The following STXBP5L variants were observed in gnomAD, a reference collection of about 807,000 sequenced individuals.
STXBP5L encodes syntaxin binding protein 5L.
In STXBP5L, 65 loss-of-function variants were observed where a neutral mutation model predicts 144.5. The ratio of observed to expected loss-of-function variants is 0.45; its 90% CI spans 0.37 to 0.55. STXBP5L has a LOEUF of 0.55. Among genes scored for constraint, STXBP5L ranks in the 20% least tolerant of loss-of-function variants. The pLI is 0.00. For synonymous variants in STXBP5L, 505 were observed against 469.6 expected (o/e 1.08, Z -0.97); for missense variants, 1,298 against 1,405.5 (o/e 0.92, Z 1.22).
chr3:121,237,350 A>C (rs2049514826), intron 12 of STXBP5L, among the ~76,000 whole-genome samples: 1 of 152,148 alleles, frequency 6.6e-6, no homozygotes, highest in South Asian at 2.1e-4. Flanking sequence ...CCATAGTGGG[A>C]GCTGGAGTTG....
Position 120,991,020 on chromosome 3 carries a change from A to T in STXBP5L, c.287+35983A>T, listed in dbSNP as rs972869356. On this transcript the variant is annotated intron_variant, in intron 3 of 26. Coordinates refer to ENST00000471454, the MANE Select transcript of STXBP5L (RefSeq NM_001308330.2). ...TAAAGAGCTTCTGCACAGCAAAAGA[A>T]ACTACCATCAGAGTGAACAGGCAAC... is the stretch of plus-strand genomic sequence containing the variant. 3.1e-4 allele frequency among the ~76,000 whole-genome samples: 47 copies of T among 152,204 alleles called. No individual in the cohort carries two copies. In the South Asian group the frequency reaches 5.2e-3, roughly 17 times the overall value.
chr3:121,082,449 C>A (rs1223184665), intron 5 of STXBP5L, among the ~76,000 whole-genome samples: 1 of 152,146 alleles, frequency 6.6e-6, no homozygotes, highest in Non-Finnish European at 1.5e-5. Flanking sequence ...TTGTGTCCTG[C>A]AACTTTGCTG....
chr3:121,404,542 C>G lies in STXBP5L; in HGVS notation c.2588-2701C>G, dbSNP rs146717444. Among the ~76,000 whole-genome samples the G allele has an allele frequency of 2.0e-4, 31 of 152,140 alleles. No homozygotes were observed. The East Asian group carries it at 5.8e-3, about 28-fold the overall frequency. ...GCCAAGTAAAAGTCTAGGTCTTTAC[C>G]ATGTCCTGAAAGAACCAACATGATG... is the stretch of plus-strand genomic sequence containing the variant. On this transcript the variant is annotated intron_variant, in intron 22 of 26. Coordinates refer to ENST00000471454, the MANE Select transcript of STXBP5L (RefSeq NM_001308330.2).
chr3:121,004,449 G>A (rs938990365), intron 3 of STXBP5L, among the ~76,000 whole-genome samples: 4 of 151,584 alleles, frequency 2.6e-5, no homozygotes, highest in Non-Finnish European at 1.5e-5. Flanking sequence ...GGAGATTTGG[G>A]GCTGAGACAA....
chr3:121,086,111 A>G (rs115138353), intron 5 of STXBP5L, among the ~76,000 whole-genome samples: 25 of 152,228 alleles, frequency 1.6e-4, no homozygotes, highest in Non-Finnish European at 3.1e-4. Context: ...CTAGACACAT[A>G]CAGAAAATTA....
chr3:120,979,157 C>T (rs182936474), intron 3 of STXBP5L, among the ~76,000 whole-genome samples: 3 of 152,330 alleles, frequency 2.0e-5, no homozygotes, highest in Non-Finnish European at 4.4e-5. Context: ...GAGGTGGAGC[C>T]TACAGAGGCA....
intron 3 of STXBP5L, among the ~76,000 whole-genome samples, chr3:120,997,715 A>G (rs112048684): frequency 0.019 from 2,937 of 152,146 alleles, 88 homozygotes; most frequent in African/African-American, 0.066. Context: ...ATTTTCTCTC[A>G]TTCTGTAGAT....
chr3:121,326,356 T>A (rs1167505868), intron 20 of STXBP5L, among the ~76,000 whole-genome samples: 3 of 152,054 alleles, frequency 2.0e-5, no homozygotes, highest in African/African-American at 7.2e-5. Flanking sequence ...CTTGCTTTTT[T>A]GTTTTTAACT....
intron 5 of STXBP5L, among the ~76,000 whole-genome samples, chr3:121,070,281 G>A (rs1163893210): frequency 6.6e-6 from 1 of 152,188 alleles, no homozygotes; most frequent in Non-Finnish European, 1.5e-5. Context: ...AGAGAAACAT[G>A]TCTTGCAACC....
intron 5 of STXBP5L, among the ~76,000 whole-genome samples, chr3:121,078,759 T>C (rs1364392370): frequency 6.6e-6 from 1 of 152,230 alleles, no homozygotes; most frequent in East Asian, 1.9e-4. Flanking sequence ...CCAGCACTGC[T>C]GGGGGACCCA....
In STXBP5L at chr3:121,393,466, G is replaced by A. The variant is rs183146021; in HGVS notation, c.2587+11934G>A. Among the ~76,000 whole-genome samples, 412 of 152,038 alleles carry A rather than the reference G, an allele frequency of 2.7e-3. 4 individuals carry two copies. The Middle Eastern group carries it at 0.031, about 11-fold the overall frequency. On this transcript the variant is annotated intron_variant, in intron 22 of 26. Transcript: ENST00000471454. ...CTATTTGTCTATTTTTAGTTTTGCC[G>A]CATTTGCTTTTGAGGTCTTAGTCAC...
At chr3:121,024,181 G>T in intron 3 of STXBP5L, among the ~76,000 whole-genome samples, 1 of 152,146 alleles carries the variant, frequency 6.6e-6, no homozygotes, top group African/African-American at 2.4e-5. Flanking sequence ...ATCTAAAAAA[G>T]TATTGCTGTC....
At chr3:121,321,281 T>C (rs928826636) in intron 20 of STXBP5L, among the ~76,000 whole-genome samples, 4 of 152,204 alleles carry the variant, frequency 2.6e-5, no homozygotes, top group African/African-American at 4.8e-5. Context: ...TTAAATGTTA[T>C]ATTTGTTAAA....
At position 121,010,382 on chromosome 3, in the gene STXBP5L, G is replaced by A. The variant is rs553085626; in HGVS notation, c.288-31318G>A. On this transcript the variant is annotated intron_variant, in intron 3 of 26. Transcript: ENST00000471454. ...GGCTCATTTATGGAAACTGGGCAAGGTATTTTAATTTTCCCTTTGGTGTCT... is the reference window on the plus strand; with the variant it reads ...GGCTCATTTATGGAAACTGGGCAAGATATTTTAATTTTCCCTTTGGTGTCT... Among the ~76,000 whole-genome samples the A allele has an allele frequency of 4.6e-5, 7 of 151,738 alleles. No individual in the cohort carries two copies. In the East Asian group the frequency reaches 5.8e-4, roughly 13 times the overall value.
intron 26 of STXBP5L, 55 bp from the exon 27 acceptor site, chr3:121,419,001 G>A (rs2047305402): frequency 6.3e-7 from 1 of 1,575,522 alleles, no homozygotes; most frequent in Middle Eastern, 1.9e-4. Flanking sequence ...GCCTTGCTTT[G>A]AATAGCACTT....
At chr3:121,062,666 T>C (rs2041341964) in intron 5 of STXBP5L, among the ~76,000 whole-genome samples, 1 of 152,248 alleles carries the variant, frequency 6.6e-6, no homozygotes, top group Non-Finnish European at 1.5e-5. Context: ...GGTTAGGTCT[T>C]TTCACATAGT....
intron 9 of STXBP5L, among the ~76,000 whole-genome samples, chr3:121,183,536 CT>C (rs1348624872): frequency 6.6e-6 from 1 of 150,806 alleles, no homozygotes; most frequent in African/African-American, 2.4e-5. Flanking sequence ...AACACAGCCC[CT>C]TTTACAACAG....
chr3:121,355,940 C>T (rs1250337340), intron 20 of STXBP5L, among the ~76,000 whole-genome samples: 1 of 152,204 alleles, frequency 6.6e-6, no homozygotes, highest in Non-Finnish European at 1.5e-5. Flanking sequence ...TTCTAACAGT[C>T]AGGTTCCTCA....
At chr3:121,404,988 G>C (rs1210509960) in intron 22 of STXBP5L, among the ~76,000 whole-genome samples, 1 of 152,128 alleles carries the variant, frequency 6.6e-6, no homozygotes, top group Non-Finnish European at 1.5e-5. Flanking sequence ...TTGGGTTGCA[G>C]ATGGCTGCCT....
Sources: gnomAD v4.1 joint callset for allele counts (sites outside exome capture counted in the v4.1 genomes callset) on GRCh38, gnomAD v4.1.1 for gene constraint, MANE v1.5 for transcripts, NCBI Gene and HGNC (gene_info 2026-07-23, HGNC 2026-07-21) for gene names.